Variants in FLRT1 observed in about 807,000 individuals in gnomAD.
FLRT1 encodes the protein fibronectin leucine rich transmembrane protein 1.
A neutral mutation model predicts 30.9 loss-of-function variants in FLRT1; 14 were observed. The ratio of observed to expected loss-of-function variants is 0.45; its 90% confidence interval spans 0.30 to 0.71. FLRT1 has a LOEUF of 0.71. Among genes scored for constraint, FLRT1 ranks in the 30% least tolerant of loss-of-function variants. FLRT1 has a pLI of 0.08. For missense variants in FLRT1, 737 were observed against 949.2 expected (o/e 0.78, Z 2.94); for synonymous variants, 368 against 430.4 (o/e 0.85, Z 1.80).
intron 2 of FLRT1, among the ~76,000 whole-genome samples, chr11:64,109,162 C>G (rs1944816606): frequency 6.6e-6 from 1 of 152,042 alleles, no homozygotes; most frequent in Admixed American, 6.5e-5. Context: ...GGGGCTATTT[C>G]CTTGCTGGCT....
At chr11:64,098,453 C>A (rs1463792855) in intron 1 of FLRT1, among the ~76,000 whole-genome samples, 3 of 152,220 alleles carry the variant, frequency 2.0e-5, no homozygotes, top group Non-Finnish European at 2.9e-5. Context: ...TCCTAGCCCC[C>A]ACACGGCAAT....
rs663083 is a variant in FLRT1, at chr11:64,119,127, T to G, written c.*835T>G. 1.2e-5 allele frequency: 2 copies of G among 167,230 alleles called. No homozygotes were observed. Among genetic ancestry groups the G allele is most frequent in the African/African-American group, 4.8e-5 (2 of 41,456 alleles). The allele number at this position is 167,230 out of a possible 1,614,324, so 10.4% of individuals were successfully genotyped here. A position where few individuals can be genotyped will look rare whatever the true frequency, so the allele number is the denominator to read the frequency against. On this transcript the variant is annotated 3_prime_UTR_variant, in exon 3 of 3. Transcript: ENST00000682287. ...CATGCACGGTCCTTACCGTTCTTCT[T>G]GGGTCAGTTCTTACCATTTCCTGAA...
At chr11:64,065,067 G>A (rs1226834157) in intron 1 of FLRT1, among the ~76,000 whole-genome samples, 1 of 152,214 alleles carries the variant, frequency 6.6e-6, no homozygotes, top group Non-Finnish European at 1.5e-5. Flanking sequence ...GCAGGGCCCA[G>A]CACAGGCACC....
intron 1 of FLRT1, among the ~76,000 whole-genome samples, chr11:64,061,796 C>T (rs1175540182): frequency 3.3e-5 from 5 of 150,938 alleles, no homozygotes; most frequent in South Asian, 2.1e-4. Context: ...ACTTCCTGGG[C>T]TCAAGCCATC....
chr11:64,065,647 A>G (rs368860588), intron 1 of FLRT1, among the ~76,000 whole-genome samples: 17 of 151,912 alleles, frequency 1.1e-4, no homozygotes, highest in Non-Finnish European at 2.2e-4. Context: ...AAAATTAGCC[A>G]GGCATGGTGG....
intron 1 of FLRT1, among the ~76,000 whole-genome samples, chr11:64,054,884 AC>A (rs1943755984): frequency 6.7e-6 from 1 of 148,548 alleles, no homozygotes; most frequent in African/African-American, 2.5e-5. Flanking sequence ...CGTGACAAAT[AC>A]CCCCACTACT....
Position 64,090,795 on chromosome 11 carries a change from G to T in FLRT1, c.-1037-12399G>T, listed in dbSNP as rs1480019621. On this transcript the variant is annotated intron_variant, in intron 1 of 2. Transcript: ENST00000682287. The surrounding 1 kb of genome is among the most constrained non-coding windows in gnomAD (Gnocchi z 4.7). ...GGCGTCTCTCCACCAGGCACTTGGGGTTTGTCTCTGGGGCTCTGCAGAAGC... is the reference window on the plus strand; with the variant it reads ...GGCGTCTCTCCACCAGGCACTTGGGTTTTGTCTCTGGGGCTCTGCAGAAGC... 6.6e-6 allele frequency among the ~76,000 whole-genome samples: 1 copy of T among 152,004 alleles called. No individual in the cohort carries two copies. Among genetic ancestry groups the T allele is most frequent in the African/African-American group, 2.4e-5 (1 of 41,402 alleles).
rs1297396756 is a variant in FLRT1, at chr11:64,096,540, C to T, written c.-1037-6654C>T. The stretch of plus-strand genomic sequence containing the variant: ...AAGCAATTCTCTTGCCTCAGCCCAC[C>T]GAGTAGCTGGGATTACAGGCGCCTG... On this transcript the variant is annotated intron_variant, in intron 1 of 2. Transcript: ENST00000682287. This position sits in a 1 kb window ranked among gnomAD's most constrained non-coding sequence, Gnocchi z 4.6. Among the ~76,000 whole-genome samples, 3 of 152,052 alleles carry T rather than the reference C, an allele frequency of 2.0e-5. No homozygotes were observed. The highest frequency in any genetic ancestry group is 2.1e-4 in the South Asian group (1 of 4,824).
chr11:64,083,644 G>A lies in FLRT1; in HGVS notation c.-1037-19550G>A, dbSNP rs147930172. 3.2e-4 allele frequency among the ~76,000 whole-genome samples: 48 copies of A among 152,320 alleles called. No individual in the cohort carries two copies. The East Asian group carries it at 8.5e-3, about 27-fold the overall frequency. ...GCATGTAAGTGAGTAATGAGAGGCC[G>A]CAGTGAGATGCCAACGCCGGGTCAG... On this transcript the variant is annotated intron_variant, in intron 1 of 2. Transcript: ENST00000682287.
At chr11:64,073,623 C>T (rs1376380356) in intron 1 of FLRT1, among the ~76,000 whole-genome samples, 4 of 152,326 alleles carry the variant, frequency 2.6e-5, no homozygotes, top group South Asian at 2.1e-4. Context: ...CCAGAGCCAG[C>T]GCTGGGGGTG....
chr11:64,101,165 G>A (rs1944664039), intron 1 of FLRT1, among the ~76,000 whole-genome samples: 5 of 152,100 alleles, frequency 3.3e-5, no homozygotes, highest in Admixed American at 3.3e-4. Flanking sequence ...ACGTCTGCAT[G>A]GATTCTTACA....
chr11:64,050,318 C>CT (rs1943669137), intron 1 of FLRT1, among the ~76,000 whole-genome samples: 1 of 152,178 alleles, frequency 6.6e-6, no homozygotes, highest in African/African-American at 2.4e-5. Context: ...CAGAGCTTGA[C>CT]TGAGTTTAGT....
At chr11:64,046,050 T>C (rs1174889287) in intron 1 of FLRT1, among the ~76,000 whole-genome samples, 2 of 152,124 alleles carry the variant, frequency 1.3e-5, no homozygotes, top group Admixed American at 6.5e-5. Flanking sequence ...GATACTGTTA[T>C]TATTCCCTTT....
Position 64,116,372 on chromosome 11 carries a change from G to C in FLRT1, c.105G>C (p.Leu35=). 1.2e-6 allele frequency: 2 copies of C among 1,613,652 alleles called. No homozygotes were observed. The highest frequency in any genetic ancestry group is 1.7e-6 in the Non-Finnish European group (2 of 1,179,946). The part of the protein sequence containing the change: ...TTATMDLRDW[L]FLCYGLIAFL... ...CCACCATGGACCTGCGGGACTGGCT[G>C]TTCCTCTGCTACGGGCTCATCGCCT... Residue 35 remains leucine, a synonymous_variant, in exon 3 of 3, where the codon CTG becomes CTC. Coordinates refer to ENST00000682287, the MANE Select transcript of FLRT1 (RefSeq NM_013280.5).
chr11:64,058,341 G>A lies in FLRT1; in HGVS notation c.-1038+22182G>A, dbSNP rs186954299. 7.6e-3 allele frequency among the ~76,000 whole-genome samples: 1,155 copies of A among 152,364 alleles called. 11 individuals are homozygous for A. The highest frequency in any genetic ancestry group is 0.026 in the African/African-American group (1,061 of 41,586). On this transcript the variant is annotated intron_variant, in intron 1 of 2. Coordinates refer to ENST00000682287, the MANE Select transcript of FLRT1 (RefSeq NM_013280.5). ...TCTCAGCCCCCATCCGAAGGCTGACGCTTAGAGGAGGCAGCCCAGGCAGGG... is the reference window on the plus strand; with the variant it reads ...TCTCAGCCCCCATCCGAAGGCTGACACTTAGAGGAGGCAGCCCAGGCAGGG...
chr11:64,078,649 T>C (rs1451300595), intron 1 of FLRT1, among the ~76,000 whole-genome samples: 1 of 152,146 alleles, frequency 6.6e-6, no homozygotes, highest in Non-Finnish European at 1.5e-5. Flanking sequence ...TCCTGCATCC[T>C]TGTCCTACAA....
In FLRT1 at chr11:64,090,956, A is replaced by G. The variant is rs943062618; in HGVS notation, c.-1037-12238A>G. Among the ~76,000 whole-genome samples the G allele has an allele frequency of 4.0e-5, 6 of 151,652 alleles. No homozygotes were observed. Among genetic ancestry groups the G allele is most frequent in the African/African-American group, 7.3e-5 (3 of 41,262 alleles). On this transcript the variant is annotated intron_variant, in intron 1 of 2. Coordinates refer to ENST00000682287, the MANE Select transcript of FLRT1 (RefSeq NM_013280.5). The surrounding 1 kb of genome is among the most constrained non-coding windows in gnomAD (Gnocchi z 4.7). ...TGTAGGGGGCACTGGCAGAATCTGC[A>G]GCACTGACCTCTGACCTCTGGGTCA...
Position 64,117,332 on chromosome 11 carries a change from C to T in FLRT1, c.1065C>T (p.Leu355=). Residue 355 remains leucine, a synonymous_variant, in exon 3 of 3, where the codon CTC becomes CTT. Coordinates refer to ENST00000682287, the MANE Select transcript of FLRT1 (RefSeq NM_013280.5). ...ARAAVVNVRG[L]MCQGPEKVRG... is the part of the protein sequence containing the mutation. Reference sequence around the variant, plus strand: ...CGGCCGTGGTCAACGTGCGGGGCCTCATGTGCCAGGGCCCTGAGAAGGTCC... The same window carrying T: ...CGGCCGTGGTCAACGTGCGGGGCCTTATGTGCCAGGGCCCTGAGAAGGTCC... 6.2e-7 allele frequency: 1 copy of T among 1,614,084 alleles called. No homozygotes were observed. The highest frequency in any genetic ancestry group is 8.5e-7 in the Non-Finnish European group (1 of 1,179,986).
intron 1 of FLRT1, among the ~76,000 whole-genome samples, chr11:64,088,722 C>T (rs1055622731): frequency 6.6e-6 from 1 of 152,154 alleles, no homozygotes; most frequent in Non-Finnish European, 1.5e-5. Flanking sequence ...TGGGGATAAT[C>T]GTGTGTTTCC....
Sources: allele counts gnomAD v4.1 joint callset (sites outside exome capture counted in the v4.1 genomes callset), GRCh38; gene constraint gnomAD v4.1.1; non-coding constraint Gnocchi (gnomAD v3.1); transcripts MANE v1.5; gene names NCBI Gene and HGNC (gene_info 2026-07-23, HGNC 2026-07-21).